WDPCP: variants seen among roughly 807,000 people sequenced by gnomAD.
WDPCP encodes the protein WD repeat-containing and planar cell polarity effector protein fritz homolog.
Under a neutral mutation model 93.1 loss-of-function variants are expected in WDPCP, and 71 were observed. The observed-to-expected ratio is 0.76, with a 90% CI of 0.63 to 0.93. The LOEUF (loss-of-function observed/expected upper bound fraction) is 0.93. Ranked by LOEUF, WDPCP falls within the 40% of genes least tolerant of loss-of-function variation. The probability of loss-of-function intolerance (pLI) is 0.00; values close to 1 mark genes in which losing one functional copy is unlikely to be tolerated. For synonymous variants in WDPCP, 315 were observed against 315.0 expected (o/e 1.00, Z 0.00); for missense variants, 844 against 887.4 (o/e 0.95, Z 0.62).
intron 3 of WDPCP, among the ~76,000 whole-genome samples, chr2:63,611,503 G>A (rs1174268716): frequency 6.6e-6 from 1 of 151,742 alleles, no homozygotes; most frequent in African/African-American, 2.4e-5. Context: ...GTTGACCAGG[G>A]GAAAAATATA....
At chr2:63,724,064 A>G (rs1367184682) in intron 2 of WDPCP, among the ~76,000 whole-genome samples, 1 of 152,206 alleles carries the variant, frequency 6.6e-6, no homozygotes, top group Non-Finnish European at 1.5e-5. Context: ...TGTCCTGCCC[A>G]ATTTGAGCAG....
chr2:63,160,517 A>T (rs1468102119), intron 15 of WDPCP, among the ~76,000 whole-genome samples: 1 of 152,202 alleles, frequency 6.6e-6, no homozygotes, highest in Non-Finnish European at 1.5e-5. Context: ...TTAAAAATCC[A>T]TATGAACCTC....
At chr2:63,306,816 C>T (rs1214513327) in intron 13 of WDPCP, among the ~76,000 whole-genome samples, 2 of 152,206 alleles carry the variant, frequency 1.3e-5, no homozygotes, top group Admixed American at 1.3e-4. Context: ...GAAGCATTCC[C>T]TTTGAAAACC....
At chr2:63,293,598 C>T (rs1371643270) in intron 13 of WDPCP, among the ~76,000 whole-genome samples, 1 of 151,920 alleles carries the variant, frequency 6.6e-6, no homozygotes, top group African/African-American at 2.4e-5. Flanking sequence ...AAACAGCTGT[C>T]TAAAATCTGC....
chr2:63,269,917 C>T (rs1052375822), intron 13 of WDPCP, among the ~76,000 whole-genome samples: 2 of 152,162 alleles, frequency 1.3e-5, no homozygotes, highest in East Asian at 1.9e-4. Flanking sequence ...AATATTGATA[C>T]AATCCTCTTT....
chr2:63,287,885 T>C (rs1049216364), intron 13 of WDPCP, among the ~76,000 whole-genome samples: 3 of 152,190 alleles, frequency 2.0e-5, no homozygotes, highest in Non-Finnish European at 4.4e-5. Flanking sequence ...CGAGTCTATA[T>C]TCATAATATT....
chr2:63,713,340 G>A (rs1669289873), intron 2 of WDPCP, among the ~76,000 whole-genome samples: 1 of 152,088 alleles, frequency 6.6e-6, no homozygotes, highest in African/African-American at 2.4e-5. Context: ...TTTATGACCA[G>A]CACAGCTTTA....
intron 13 of WDPCP, among the ~76,000 whole-genome samples, chr2:63,309,210 G>A (rs890308403): frequency 3.9e-5 from 6 of 152,018 alleles, no homozygotes; most frequent in African/African-American, 1.4e-4. Flanking sequence ...ATTACTCAGT[G>A]TATCCATGTG....
At chr2:63,720,045 T>C (rs530618164) in intron 2 of WDPCP, among the ~76,000 whole-genome samples, 75 of 152,160 alleles carry the variant, frequency 4.9e-4, no homozygotes, top group Non-Finnish European at 9.4e-4. Context: ...TTTGGTATTC[T>C]GAATCTTTTA....
chr2:63,817,187 G>A (rs766317710), intron 1 of WDPCP, among the ~76,000 whole-genome samples: 9 of 151,550 alleles, frequency 5.9e-5, no homozygotes, highest in Non-Finnish European at 8.8e-5. Context: ...TTGGCTCAGC[G>A]CCACCTCTGC....
At chr2:63,133,905 T>C (rs1670450233) in intron 17 of WDPCP, among the ~76,000 whole-genome samples, 1 of 152,190 alleles carries the variant, frequency 6.6e-6, no homozygotes. Flanking sequence ...GGGATGTAGC[T>C]TGTTCTTGAT....
intron 1 of WDPCP, among the ~76,000 whole-genome samples, chr2:63,522,797 T>C (rs1703043385): frequency 6.6e-6 from 1 of 152,094 alleles, no homozygotes; most frequent in Non-Finnish European, 1.5e-5. Flanking sequence ...AATAAGTAGT[T>C]TCAAAATTGA....
intron 17 of WDPCP, among the ~76,000 whole-genome samples, chr2:63,149,438 C>G (rs1180290694): frequency 1.3e-5 from 2 of 152,086 alleles, no homozygotes; most frequent in Non-Finnish European, 2.9e-5. Flanking sequence ...GGCAAAACTA[C>G]TCTAGGAAAT....
intron 1 of WDPCP, among the ~76,000 whole-genome samples, chr2:63,571,072 T>A (rs1707459861): frequency 1.9e-5 from 1 of 53,934 alleles, no homozygotes; most frequent in Non-Finnish European, 2.9e-5. Flanking sequence ...GTCCAGCTAA[T>A]TTTTGGTATT....
At chr2:63,817,375 T>C (rs1287301700) in intron 1 of WDPCP, among the ~76,000 whole-genome samples, 1 of 152,170 alleles carries the variant, frequency 6.6e-6, no homozygotes, top group Non-Finnish European at 1.5e-5. Context: ...CCCAAAGTGC[T>C]GAGATTACAG....
intron 1 of WDPCP, among the ~76,000 whole-genome samples, chr2:63,551,307 A>G (rs1705623470): frequency 6.6e-6 from 1 of 152,198 alleles, no homozygotes; most frequent in African/African-American, 2.4e-5. Flanking sequence ...TCATGTTGAA[A>G]TATAATCCCT....
chr2:63,122,339 A>T (rs1254650664), intron 17 of WDPCP, among the ~76,000 whole-genome samples: 1 of 152,200 alleles, frequency 6.6e-6, no homozygotes, highest in Non-Finnish European at 1.5e-5. Flanking sequence ...GGTTCCTCCA[A>T]TGAAAAATTG....
chr2:63,427,050 A>G (rs1290980112), intron 9 of WDPCP, among the ~76,000 whole-genome samples: 1 of 152,208 alleles, frequency 6.6e-6, no homozygotes. Flanking sequence ...AACTATCCTA[A>G]ATATATATGC....
At chr2:63,442,244 C>G (rs1206499027) in intron 6 of WDPCP, 1 of 152,154 alleles carries the variant, frequency 6.6e-6, no homozygotes, top group African/African-American at 2.4e-5. Flanking sequence ...GTAATTTAAC[C>G]TCTCTGTCCC....
Sources: allele counts gnomAD v4.1 joint callset (sites outside exome capture counted in the v4.1 genomes callset), GRCh38; gene constraint gnomAD v4.1.1; transcripts MANE v1.5; gene names NCBI Gene and HGNC (gene_info 2026-07-23, HGNC 2026-07-21).